AMOT: variants seen among roughly 807,000 people sequenced by gnomAD.
AMOT encodes angiomotin.
A neutral mutation model predicts 67.0 loss-of-function variants in AMOT; 11 were observed. The ratio of observed to expected loss-of-function variants is 0.16; its 90% CI spans 0.10 to 0.27. The LOEUF (loss-of-function observed/expected upper bound fraction) is 0.27, where lower values mean the gene tolerates loss of function less well. Among genes scored for constraint, AMOT ranks in the 10% least tolerant of loss-of-function variants. The pLI is 1.00. For synonymous variants in AMOT, 326 were observed against 321.4 expected (o/e 1.01, Z -0.15); for missense variants, 753 against 852.0 (o/e 0.88, Z 1.45).
intron 10 of AMOT, among the ~76,000 whole-genome samples, chrX:112,789,793 C>G (rs551243403): frequency 1.8e-5 from 2 of 109,680 alleles, no homozygotes; most frequent in African/African-American, 6.6e-5. Flanking sequence ...CAGACCAAGG[C>G]TCTGTTATCG....
At chrX:112,838,702 G>C (rs1368257291) in intron 1 of AMOT, among the ~76,000 whole-genome samples, 1 of 112,250 alleles carries the variant, frequency 8.9e-6, no homozygotes, top group African/African-American at 3.2e-5. Context: ...CTTTTAAATA[G>C]GTAAACAGAT....
At position 112,808,203 on chromosome X, in the gene AMOT, A is replaced by C. The variant is rs769240143; in HGVS notation, c.1630+1691T>G. ...ATTGTACTAGCTTAATCCTCAGAAC[A>C]ACCATACAAGGAAGGTACTATTCTC... On this transcript the variant is annotated intron_variant, in intron 7 of 13. Coordinates refer to ENST00000371959, the MANE Select transcript of AMOT (RefSeq NM_001113490.2). 2.0e-3 allele frequency among the ~76,000 whole-genome samples: 224 copies of C among 112,290 alleles called. 3 individuals carry two copies. Among genetic ancestry groups the C allele is most frequent in the Non-Finnish European group, 4.9e-4 (26 of 53,222 alleles).
Position 112,779,539 on chromosome X carries a change from G to A in AMOT, c.2615C>T (p.Ser872Leu). The change falls in exon 13 of 14, where the codon TCG becomes TTG. Residue 872 changes from serine (S) to leucine (L), a missense_variant. By Grantham distance (145) the Ser-to-Leu change is moderately radical. Transcript: ENST00000371959. ...GGGAGCAACAGCTGCAGTTTTGTTC[G>A]ATTCCGTCCCACGTTCAGTTTGGGT... ...CSTQTERGTESNKTAAVAPIS... is the reference protein window; with the variant it reads ...CSTQTERGTELNKTAAVAPIS... 2.5e-6 allele frequency: 3 copies of A among 1,211,291 alleles called. No individual in the cohort carries two copies. Among genetic ancestry groups the A allele is most frequent in the Non-Finnish European group, 3.4e-6 (3 of 895,432 alleles).
At chrX:112,789,138 G>T (rs934733502) in intron 10 of AMOT, among the ~76,000 whole-genome samples, 2 of 111,871 alleles carry the variant, frequency 1.8e-5, no homozygotes, top group East Asian at 5.6e-4. Context: ...CTGCCTAAAC[G>T]TGACAAAATT....
chrX:112,815,795 A>G lies in AMOT; in HGVS notation c.955T>C (p.Ser319Pro), dbSNP rs1018484944. ...GGTGGAGATTGTAGCAAGGGCAAGG[A>G]CCCCCCAGAGGTCAGAGAAGAAGTA... is the stretch of plus-strand genomic sequence containing the variant. ...SPTSSLTSGG[S>P]LPLLQSPPST... Residue 319 changes from serine (S) to proline (P), a missense_variant, in exon 5 of 14, where the codon TCC (serine) becomes CCC (proline). Ser to Pro is a moderately conservative substitution (Grantham distance 74). Transcript: ENST00000371959. 13 of 1,163,343 alleles carry G rather than the reference A, an allele frequency of 1.1e-5. No individual in the cohort carries two copies. Among genetic ancestry groups the G allele is most frequent in the Non-Finnish European group, 1.5e-5 (13 of 872,118 alleles).
intron 7 of AMOT, among the ~76,000 whole-genome samples, chrX:112,806,170 G>A (rs1934175234): frequency 9.2e-6 from 1 of 108,528 alleles, no homozygotes; most frequent in African/African-American, 3.4e-5. Flanking sequence ...GGAGACTGAG[G>A]CAGGAGGCTG....
chrX:112,808,433 C>T (rs1934256449), intron 7 of AMOT, among the ~76,000 whole-genome samples: 1 of 111,389 alleles, frequency 9.0e-6, no homozygotes, highest in South Asian at 3.8e-4. Flanking sequence ...TTTGAGAGGG[C>T]TTTCCTTTCT....
intron 7 of AMOT, 124 bp from the exon 8 acceptor site, chrX:112,805,216 A>G: frequency 1.3e-6 from 1 of 794,476 alleles, no homozygotes; most frequent in South Asian, 3.1e-5. Flanking sequence ...CTGAAGAACC[A>G]GTATACCCAA....
chrX:112,802,445 T>C (rs949898837), intron 8 of AMOT, among the ~76,000 whole-genome samples: 2 of 112,526 alleles, frequency 1.8e-5, no homozygotes, highest in Non-Finnish European at 3.8e-5. Flanking sequence ...TGATTTTCTC[T>C]GAGATGTGGT....
chrX:112,803,577 T>C (rs1013001346), intron 8 of AMOT, among the ~76,000 whole-genome samples: 1 of 112,262 alleles, frequency 8.9e-6, no homozygotes, highest in African/African-American at 3.2e-5. Flanking sequence ...GAGTTGATAT[T>C]CTAGCAAGTC....
rs906749469 is a variant in AMOT, at chrX:112,775,412, G to A, written c.*3155C>T. The A allele has an allele frequency of 1.8e-5, 2 of 112,510 alleles. No homozygotes were observed. The allele number at this position is 112,510 out of a possible 1,213,427, so 9.3% of individuals were successfully genotyped here. On this transcript the variant is annotated 3_prime_UTR_variant, in exon 14 of 14. Coordinates refer to ENST00000371959, the MANE Select transcript of AMOT (RefSeq NM_001113490.2). ...GCATATGTATACACTTTAAGCTGCCGCATTATGAGGGTTTAGGCTTGTCAT... is the reference window on the plus strand; with the variant it reads ...GCATATGTATACACTTTAAGCTGCCACATTATGAGGGTTTAGGCTTGTCAT...
At chrX:112,833,156 G>A (rs1264486931) in intron 1 of AMOT, among the ~76,000 whole-genome samples, 3 of 111,707 alleles carry the variant, frequency 2.7e-5, no homozygotes, top group African/African-American at 6.5e-5. Flanking sequence ...CAGAATGACC[G>A]TCACCTAAAG....
At position 112,790,606 on chromosome X, in the gene AMOT, A is replaced by G. The variant is rs1403430756; in HGVS notation, c.2103T>C (p.Thr701=). ...TACCTACTTACCTCTGAGCAGCCAC[A>G]GTTGCAGCAGCATCCAGAGCAAAAT... ...MRHFALDAAA[T]VAAQRDTTVI... is the part of the protein sequence containing the mutation. Residue 701 remains threonine (T), a synonymous_variant, in exon 10 of 14, where the codon ACT becomes ACC. Transcript: ENST00000371959. 2.5e-6 allele frequency: 3 copies of G among 1,205,510 alleles called. No homozygotes were observed. In the Admixed American group the frequency reaches 6.6e-5, roughly 26 times the overall value.
chrX:112,791,808 T>C (rs1933607103), intron 9 of AMOT, 24 bp downstream of exon 9: 1 of 1,199,310 alleles, frequency 8.3e-7, no homozygotes, highest in Non-Finnish European at 1.1e-6. Context: ...TTTTTTTCCC[T>C]TTCTTCCTTT....
intron 8 of AMOT, among the ~76,000 whole-genome samples, chrX:112,794,515 T>C (rs755926981): frequency 9.0e-6 from 1 of 111,631 alleles, no homozygotes; most frequent in East Asian, 2.8e-4. Flanking sequence ...ACTCTCTAGA[T>C]AGGGTAGAAA....
intron 8 of AMOT, among the ~76,000 whole-genome samples, chrX:112,792,645 A>G (rs1355147645): frequency 8.9e-6 from 1 of 111,838 alleles, no homozygotes; most frequent in African/African-American, 3.3e-5. Context: ...TAGTCTCCAC[A>G]TCGCCTAGCA....
chrX:112,782,159 G>A (rs376821431), intron 11 of AMOT, among the ~76,000 whole-genome samples: 3 of 112,194 alleles, frequency 2.7e-5, no homozygotes, highest in East Asian at 5.6e-4. Context: ...AAAGTGCTGG[G>A]ATTACAGGTG....
Position 112,791,828 on chromosome X carries a change from A to C in AMOT, c.1926+4T>G, listed in dbSNP as rs1933610101. On this transcript the variant is annotated splice_donor_region_variant and intron_variant, in intron 9 of 13. Coordinates refer to ENST00000371959, the MANE Select transcript of AMOT (RefSeq NM_001113490.2). Reference sequence around the variant, plus strand: ...TTCCCTTTCTTCCTTTAAGTTCTCCATACCTGCTGGATTCTCAGGGATTCC... The same window carrying C: ...TTCCCTTTCTTCCTTTAAGTTCTCCCTACCTGCTGGATTCTCAGGGATTCC... 1 of 1,208,714 alleles carries C rather than the reference A, an allele frequency of 8.3e-7. No homozygotes were observed. The highest frequency in any genetic ancestry group is 1.1e-6 in the Non-Finnish European group (1 of 894,516).
chrX:112,779,221 G>A lies in AMOT; in HGVS notation c.2933C>T (p.Pro978Leu). Residue 978 changes from proline (P) to leucine (L), a missense_variant, in exon 13 of 14, where the codon CCA becomes CTA. Physicochemically the swap from Pro to Leu is moderately conservative, Grantham distance 98 (BLOSUM62 -3). Coordinates refer to ENST00000371959, the MANE Select transcript of AMOT (RefSeq NM_001113490.2). ...CGGAACCAGAGCCGGAGCTGGAACT[G>A]GAGCCGGAGCAGCTGGAGCAACCTG... ...AVQVAPAAPA[P>L]VPAPALVPVP... 1.4e-6 allele frequency: 1 copy of A among 699,947 alleles called. No homozygotes were observed. Among genetic ancestry groups the A allele is most frequent in the Admixed American group, 2.3e-5 (1 of 44,117 alleles). The allele number at this position is 699,947 out of a possible 1,213,427, so 57.7% of individuals were successfully genotyped here.
Sources: gnomAD v4.1 joint callset for allele counts (sites outside exome capture counted in the v4.1 genomes callset) on GRCh38, gnomAD v4.1.1 for gene constraint, MANE v1.5 for transcripts, NCBI Gene and HGNC (gene_info 2026-07-23, HGNC 2026-07-21) for gene names.